Variants in FOCAD observed in about 807,000 individuals in gnomAD.
FOCAD encodes the protein focadhesin.
A neutral mutation model predicts 225.6 loss-of-function variants in FOCAD; 198 were observed. The observed-to-expected ratio is 0.88, with a 90% CI of 0.78 to 0.99. The LOEUF (loss-of-function observed/expected upper bound fraction) is 0.99, where lower values mean the gene tolerates loss of function less well. Ranked by LOEUF, FOCAD falls within the 50% of genes least tolerant of loss-of-function variation. The pLI, the probability that FOCAD is intolerant of heterozygous loss-of-function variation, is 0.00. For missense variants in FOCAD, 2,713 were observed against 2,123.6 expected (o/e 1.28, Z -5.46); for synonymous variants, 897 against 755.0 (o/e 1.19, Z -3.08).
intron 2 of FOCAD, among the ~76,000 whole-genome samples, chr9:20,672,682 C>T (rs1035983972): frequency 6.6e-6 from 1 of 152,204 alleles, no homozygotes; most frequent in Admixed American, 6.5e-5. Flanking sequence ...AAATCCTGAC[C>T]TTGGGTGATC....
chr9:20,734,895 C>T (rs1435720842), intron 4 of FOCAD, among the ~76,000 whole-genome samples: 2 of 152,032 alleles, frequency 1.3e-5, no homozygotes, highest in African/African-American at 4.8e-5. Context: ...CCTTGGGCCT[C>T]CCAAAGTGCT....
At chr9:20,801,566 T>C (rs1353441973) in intron 11 of FOCAD, among the ~76,000 whole-genome samples, 2 of 152,160 alleles carry the variant, frequency 1.3e-5, no homozygotes, top group African/African-American at 4.8e-5. Flanking sequence ...GGCTATACCT[T>C]GTAAAAAGTC....
At chr9:20,655,972 T>C (rs1821469988), upstream of FOCAD, among the ~76,000 whole-genome samples, 1 of 152,172 alleles carries the variant, frequency 6.6e-6, no homozygotes, top group African/African-American at 2.4e-5. Flanking sequence ...TTCTGGTATG[T>C]TGTGTCTTTG....
At chr9:20,719,698 T>C (rs958693061) in intron 3 of FOCAD, among the ~76,000 whole-genome samples, 2 of 151,880 alleles carry the variant, frequency 1.3e-5, no homozygotes, top group Non-Finnish European at 2.9e-5. Context: ...CTTCTCATGC[T>C]CTTCTATCAG....
chr9:20,922,536 C>T (rs933619299), intron 24 of FOCAD, among the ~76,000 whole-genome samples: 2 of 152,108 alleles, frequency 1.3e-5, no homozygotes, highest in Non-Finnish European at 2.9e-5. Flanking sequence ...AATTTAATAC[C>T]CACTGACTCA....
At chr9:20,897,530 A>G (rs2131953823) in intron 21 of FOCAD, among the ~76,000 whole-genome samples, 1 of 150,974 alleles carries the variant, frequency 6.6e-6, no homozygotes. Context: ...CATATCAGTT[A>G]TGTTTCTCTT....
chr9:20,795,839 A>AT (rs1443804107), intron 11 of FOCAD, among the ~76,000 whole-genome samples: 1 of 142,174 alleles, frequency 7.0e-6, no homozygotes, highest in African/African-American at 2.6e-5. Context: ...TTATTTATTT[A>AT]TTTTTTGTTA....
Position 20,778,728 on chromosome 9 carries a change from A to C in FOCAD, c.954A>C (p.Leu318=). The C allele has an allele frequency of 6.2e-7, 1 of 1,612,442 alleles. No homozygotes were observed. Among genetic ancestry groups the C allele is most frequent in the Non-Finnish European group, 8.5e-7 (1 of 1,178,940 alleles). The change falls in exon 9 of 44, where the codon CTA becomes CTC. Residue 318 remains leucine, a synonymous_variant. Coordinates refer to ENST00000338382, the MANE Select transcript of FOCAD (RefSeq NM_001375567.1). ...TAATTGGAATAGCTTTACTACTTCT[A>C]CAGACTCCAGCAAGTCAGCAGAAGC... is the stretch of plus-strand genomic sequence containing the variant. The part of the protein sequence containing the change: ...LVIIGIALLL[L]QTPASQQKPI...
intron 7 of FOCAD, 105 bp downstream of exon 7, chr9:20,765,178 C>A: frequency 2.1e-6 from 2 of 942,772 alleles, no homozygotes; most frequent in Non-Finnish European, 3.1e-6. Flanking sequence ...CAAACTCAGA[C>A]ATGATCCTCG....
chr9:20,891,937 T>G (rs1028429279), intron 21 of FOCAD, among the ~76,000 whole-genome samples: 2 of 152,194 alleles, frequency 1.3e-5, no homozygotes, highest in Non-Finnish European at 1.5e-5. Flanking sequence ...TAGGGTCTAA[T>G]GCAGCTGATG....
intron 2 of FOCAD, among the ~76,000 whole-genome samples, chr9:20,675,779 G>A (rs1822214001): frequency 6.6e-6 from 1 of 152,012 alleles, no homozygotes; most frequent in African/African-American, 2.4e-5. Flanking sequence ...TGTTTGAAGA[G>A]TTGAAGACAC....
chr9:20,829,716 A>G (rs1322918170), intron 15 of FOCAD, among the ~76,000 whole-genome samples: 2 of 152,154 alleles, frequency 1.3e-5, no homozygotes, highest in East Asian at 3.9e-4. Flanking sequence ...TTATCAAACC[A>G]TAGGAGAGAT....
rs144464480 is a variant in FOCAD, at chr9:20,906,677, G to T, written c.2626-473G>T. Among the ~76,000 whole-genome samples, 419 of 152,106 alleles carry T rather than the reference G, an allele frequency of 2.8e-3. 3 individuals are homozygous for T. The highest frequency in any genetic ancestry group is 9.3e-3 in the African/African-American group (387 of 41,512). ...TACTCATTTGCCTGCTCTTACCACT[G>T]TGGTTTCTACACAACATGATATTTC... On this transcript the variant is annotated intron_variant, in intron 21 of 43. Coordinates refer to ENST00000338382, the MANE Select transcript of FOCAD (RefSeq NM_001375567.1).
intron 8 of FOCAD, among the ~76,000 whole-genome samples, chr9:20,773,585 A>G (rs941867606): frequency 6.6e-6 from 1 of 152,204 alleles, no homozygotes; most frequent in Non-Finnish European, 1.5e-5. Flanking sequence ...AGTCCTATTC[A>G]TAACCTCCTT....
chr9:20,667,952 C>A (rs1253646602), intron 2 of FOCAD, among the ~76,000 whole-genome samples: 1 of 151,904 alleles, frequency 6.6e-6, no homozygotes, highest in Non-Finnish European at 1.5e-5. Flanking sequence ...ATTATAGATG[C>A]CACTAGAAAA....
chr9:20,715,550 C>A, intron 2 of FOCAD, 140 bp downstream of exon 2: 1 of 353,916 alleles, frequency 2.8e-6, no homozygotes, highest in Non-Finnish European at 4.8e-6. Flanking sequence ...TTTAAATATA[C>A]ATTTAATTTG....
At chr9:20,666,296 G>A (rs1254694260) in intron 2 of FOCAD, among the ~76,000 whole-genome samples, 1 of 152,068 alleles carries the variant, frequency 6.6e-6, no homozygotes, top group African/African-American at 2.4e-5. Flanking sequence ...AACTGGCTGG[G>A]TGCAGTGTCT....
intron 27 of FOCAD, among the ~76,000 whole-genome samples, chr9:20,931,046 C>A (rs1835418695): frequency 6.6e-6 from 1 of 152,202 alleles, no homozygotes; most frequent in South Asian, 2.1e-4. Flanking sequence ...CAACTCATTT[C>A]ATCCTATTCT....
intron 15 of FOCAD, among the ~76,000 whole-genome samples, chr9:20,830,530 G>A (rs760630191): frequency 6.6e-6 from 1 of 151,922 alleles, no homozygotes; most frequent in South Asian, 2.1e-4. Flanking sequence ...TTATTTCACA[G>A]AGTTTCTGTG....
Sources: gnomAD v4.1 joint callset for allele counts (sites outside exome capture counted in the v4.1 genomes callset) on GRCh38, gnomAD v4.1.1 for gene constraint, MANE v1.5 for transcripts, NCBI Gene and HGNC (gene_info 2026-07-23, HGNC 2026-07-21) for gene names.